INSL6: variants seen among roughly 807,000 people sequenced by gnomAD.
INSL6 encodes insulin like 6, also known as insulin-like peptide INSL6.
INSL6 carries 16 observed loss-of-function variants against 9.4 expected under a neutral mutation model. That is an observed-to-expected ratio of 1.70 (90% CI 1.15 to 2.59). The LOEUF is 2.59. Among genes scored for constraint, INSL6 ranks in the 30% most tolerant of loss-of-function variants. The pLI, the probability that INSL6 is intolerant of heterozygous loss-of-function variation, is 0.00. For synonymous variants in INSL6, 154 were observed against 96.9 expected, an observed-to-expected ratio of 1.59 and a Z score of -3.46; for missense variants, 391 against 257.3, an observed-to-expected ratio of 1.52 and a Z score of -3.56.
intron 1 of INSL6, among the ~76,000 whole-genome samples, chr9:5,180,154 T>C (rs1261789398): frequency 1.3e-5 from 2 of 152,222 alleles, no homozygotes; most frequent in African/African-American, 4.8e-5. Context: ...ATTTATCAGT[T>C]CCCAAATAAT....
At chr9:5,083,437 C>A in the INSL6 span, among the ~76,000 whole-genome samples, 1 of 152,304 alleles carries the variant, frequency 6.6e-6, no homozygotes, top group Non-Finnish European at 1.5e-5. Context: ...TTATTATCAG[C>A]TATTCCTAAA....
downstream of INSL6, chr9:5,123,120 C>A (rs772889316): frequency 6.4e-7 from 1 of 1,563,404 alleles, no homozygotes; most frequent in Non-Finnish European, 8.7e-7. Context: ...AGTCCACCAG[C>A]GGTCAGTGTG....
Position 5,164,081 on chromosome 9 carries a change from T to C in INSL6, c.474A>G (p.Leu158=), listed in dbSNP as rs1344894842. The part of the protein sequence containing the change: ...QKKRRNKIKT[L]SNLFWGHHPQ... The stretch of plus-strand genomic sequence containing the variant: ...GATGATGCCCCCAAAACAAATTGCT[T>C]AAGGTTTTAATTTTGTTTCTACGTT... Residue 158 remains leucine, a synonymous_variant, in exon 2 of 2, where the codon TTA becomes TTG. Transcript: ENST00000381641. The C allele has an allele frequency of 1.2e-6, 2 of 1,613,574 alleles. No homozygotes were observed.
chr9:5,086,470 C>CTTA, the INSL6 span, among the ~76,000 whole-genome samples: 1 of 152,146 alleles, frequency 6.6e-6, no homozygotes, highest in Non-Finnish European at 1.5e-5. Flanking sequence ...GAATATGATT[C>CTTA]TTATTTTCCT....
At chr9:5,028,232 T>C in the INSL6 span, among the ~76,000 whole-genome samples, 4 of 152,230 alleles carry the variant, frequency 2.6e-5, no homozygotes, top group Non-Finnish European at 5.9e-5. Flanking sequence ...TGAAATTCAA[T>C]GTACATCTTC....
chr9:5,003,510 TA>T, the INSL6 span, among the ~76,000 whole-genome samples: 2 of 152,056 alleles, frequency 1.3e-5, no homozygotes, highest in African/African-American at 4.8e-5. Context: ...AATGTTCATT[TA>T]AAAAATTGTT....
chr9:5,070,097 A>G, the INSL6 span: 1 of 1,393,016 alleles, frequency 7.2e-7, no homozygotes, highest in Non-Finnish European at 9.9e-7. Context: ...TCCTTTTAAA[A>G]CAACATCTGT....
chr9:5,176,139 CTT>C (rs1825304247), intron 1 of INSL6, among the ~76,000 whole-genome samples: 5 of 152,292 alleles, frequency 3.3e-5, no homozygotes, highest in African/African-American at 1.2e-4. Flanking sequence ...CATTTGGACT[CTT>C]TGCTACTCCC....
At chr9:5,011,865 T>G in the INSL6 span, among the ~76,000 whole-genome samples, 1 of 152,200 alleles carries the variant, frequency 6.6e-6, no homozygotes, top group Non-Finnish European at 1.5e-5. Context: ...TGCCATTACT[T>G]CTGGTAAGTG....
chr9:5,111,987 G>A, the INSL6 span: 2 of 366,562 alleles, frequency 5.5e-6, no homozygotes, highest in South Asian at 2.1e-5. Context: ...CTCCCCCCAG[G>A]GCCTGGGAGG....
At chr9:5,052,635 C>T in the INSL6 span, among the ~76,000 whole-genome samples, 1 of 152,052 alleles carries the variant, frequency 6.6e-6, no homozygotes, top group Admixed American at 6.6e-5. Flanking sequence ...TGCCCATTAG[C>T]ATTCAGTCCT....
At chr9:5,014,381 T>C in the INSL6 span, among the ~76,000 whole-genome samples, 4 of 152,200 alleles carry the variant, frequency 2.6e-5, no homozygotes, top group African/African-American at 9.6e-5. Flanking sequence ...TATATACTCT[T>C]CATTTATTCA....
chr9:5,175,499 C>T (rs1485971792), intron 1 of INSL6, among the ~76,000 whole-genome samples: 2 of 152,128 alleles, frequency 1.3e-5, no homozygotes, highest in Non-Finnish European at 2.9e-5. Context: ...AAAACAAAGT[C>T]TTTAAAATGA....
the INSL6 span, chr9:5,044,443 G>A: frequency 1.2e-6 from 2 of 1,613,224 alleles, no homozygotes; most frequent in Non-Finnish European, 8.5e-7. Context: ...CAGCAACAGA[G>A]CCTATCGGCA....
the INSL6 span, chr9:5,097,222 T>G: frequency 6.6e-6 from 1 of 152,122 alleles, no homozygotes; most frequent in African/African-American, 2.4e-5. Context: ...GTCCAACCAT[T>G]CCTCATTACA....
intron 3 of INSL6, among the ~76,000 whole-genome samples, chr9:5,131,794 T>G (rs1017070579): frequency 1.3e-5 from 2 of 152,220 alleles, no homozygotes; most frequent in African/African-American, 4.8e-5. Context: ...ATGTGCAGGC[T>G]GTAGGGAGCC....
chr9:5,084,026 C>G, the INSL6 span, among the ~76,000 whole-genome samples: 1 of 152,040 alleles, frequency 6.6e-6, no homozygotes. Flanking sequence ...CAACATTCCC[C>G]TTTATTGTAA....
chr9:5,130,325 A>G (rs1279446435), intron 3 of INSL6, among the ~76,000 whole-genome samples: 1 of 152,238 alleles, frequency 6.6e-6, no homozygotes, highest in Non-Finnish European at 1.5e-5. Context: ...ATTGAGGTAA[A>G]GTAAATCATC....
At chr9:5,017,148 T>A in the INSL6 span, among the ~76,000 whole-genome samples, 1 of 152,194 alleles carries the variant, frequency 6.6e-6, no homozygotes, top group African/African-American at 2.4e-5. Flanking sequence ...AATGCAGTAA[T>A]ATCTTTAAAG....
Sources: gnomAD v4.1 joint callset for allele counts (sites outside exome capture counted in the v4.1 genomes callset) on GRCh38, gnomAD v4.1.1 for gene constraint, MANE v1.5 for transcripts, NCBI Gene and HGNC (gene_info 2026-07-23, HGNC 2026-07-21) for gene names.